The following PRKN variants were observed in gnomAD, a reference collection of about 807,000 sequenced individuals.
PRKN encodes E3 ubiquitin-protein ligase parkin.
In PRKN, 56 loss-of-function variants were observed where a neutral mutation model predicts 59.5. The observed-to-expected ratio is 0.94, with a 90% CI of 0.76 to 1.18. The LOEUF is 1.18. PRKN is among the 50% of genes most tolerant of loss of function. The pLI, the probability that PRKN is intolerant of heterozygous loss-of-function variation, is 0.00. For missense variants in PRKN, 657 were observed against 596.4 expected, an observed-to-expected ratio of 1.10 and a Z score of -1.06; for synonymous variants, 250 against 222.1, an observed-to-expected ratio of 1.13 and a Z score of -1.12.
chr6:162,684,023 A>G (rs1779873759), intron 1 of PRKN, among the ~76,000 whole-genome samples: 1 of 152,130 alleles, frequency 6.6e-6, no homozygotes, highest in African/African-American at 2.4e-5. Flanking sequence ...GGGCTTATCT[A>G]CTAGAGTATT....
At chr6:161,740,815 A>G (rs1017453295) in intron 7 of PRKN, among the ~76,000 whole-genome samples, 3 of 152,220 alleles carry the variant, frequency 2.0e-5, no homozygotes, top group Non-Finnish European at 2.9e-5. Context: ...AAAACAGTGA[A>G]GAAGAAAGTC....
intron 7 of PRKN, among the ~76,000 whole-genome samples, chr6:161,732,760 T>C (rs1472854596): frequency 6.6e-6 from 1 of 152,186 alleles, no homozygotes; most frequent in Non-Finnish European, 1.5e-5. Flanking sequence ...ATTAAAGATG[T>C]CAGAGTTTTA....
intron 9 of PRKN, among the ~76,000 whole-genome samples, chr6:161,516,915 T>G (rs1025513704): frequency 1.3e-5 from 2 of 152,042 alleles, no homozygotes; most frequent in Non-Finnish European, 2.9e-5. Context: ...ATGCATTTAT[T>G]GAATTGATGC....
At chr6:161,963,534 G>C (rs1377770825) in intron 6 of PRKN, among the ~76,000 whole-genome samples, 1 of 152,198 alleles carries the variant, frequency 6.6e-6, no homozygotes, top group East Asian at 1.9e-4. Context: ...GTAAGTAACT[G>C]ACCCCAGATA....
At chr6:162,448,569 C>T (rs895673214) in intron 1 of PRKN, among the ~76,000 whole-genome samples, 3 of 152,060 alleles carry the variant, frequency 2.0e-5, no homozygotes, top group African/African-American at 7.2e-5. Flanking sequence ...CTCTTGGCAC[C>T]CGCCAGAGAA....
At chr6:162,145,720 T>C (rs1459133590) in intron 4 of PRKN, among the ~76,000 whole-genome samples, 2 of 152,102 alleles carry the variant, frequency 1.3e-5, no homozygotes, top group Non-Finnish European at 2.9e-5. Flanking sequence ...ACATCTCATG[T>C]AAATACAGTG....
chr6:162,338,810 C>T (rs943793896), intron 2 of PRKN, among the ~76,000 whole-genome samples: 6 of 150,828 alleles, frequency 4.0e-5, no homozygotes, highest in South Asian at 4.2e-4. Flanking sequence ...AAGTGAGGAG[C>T]GCCTCTTCCC....
chr6:161,834,354 C>T (rs1407305558), intron 6 of PRKN, among the ~76,000 whole-genome samples: 1 of 152,130 alleles, frequency 6.6e-6, no homozygotes, highest in Admixed American at 6.5e-5. Flanking sequence ...TTAAACGGGT[C>T]AGGCTTCTAA....
intron 6 of PRKN, among the ~76,000 whole-genome samples, chr6:161,841,387 T>C (rs1025604475): frequency 3.3e-5 from 5 of 151,812 alleles, no homozygotes; most frequent in Non-Finnish European, 7.4e-5. Context: ...TCTCACTCTG[T>C]TGCCCAGGCT....
chr6:162,625,231 T>A (rs1337666380), intron 1 of PRKN, among the ~76,000 whole-genome samples: 1 of 152,176 alleles, frequency 6.6e-6, no homozygotes, highest in African/African-American at 2.4e-5. Context: ...GAGGAATAAA[T>A]CAGTGTTGTT....
intron 7 of PRKN, among the ~76,000 whole-genome samples, chr6:161,706,020 T>C (rs1786476353): frequency 6.6e-6 from 1 of 151,974 alleles, no homozygotes; most frequent in Non-Finnish European, 1.5e-5. Context: ...TTGCTTCCAG[T>C]AGCCCCACTC....
chr6:161,752,653 A>G (rs1053890133), intron 7 of PRKN, among the ~76,000 whole-genome samples: 2 of 152,202 alleles, frequency 1.3e-5, no homozygotes, highest in Non-Finnish European at 2.9e-5. Context: ...TGATCATGCC[A>G]CTATATTCCA....
intron 1 of PRKN, among the ~76,000 whole-genome samples, chr6:162,646,105 C>G (rs1341601242): frequency 1.3e-5 from 2 of 151,910 alleles, no homozygotes; most frequent in African/African-American, 4.8e-5. Context: ...ATCTCCTGAC[C>G]TCGTAAACCG....
In PRKN at chr6:161,373,268, G is replaced by A. The variant is rs545787594; in HGVS notation, c.1168-13063C>T. Among the ~76,000 whole-genome samples, 6 of 152,188 alleles carry A rather than the reference G, an allele frequency of 3.9e-5. No homozygotes were observed. The South Asian group carries it at 1.0e-3, about 26-fold the overall frequency. ...ACGTCTACAAAAATACCTTCACAGC[G>A]ACACCTTGACTACTGCTGGTTCCAA... On this transcript the variant is annotated intron_variant, in intron 10 of 11. Transcript: ENST00000366898. This position sits in a 1 kb window ranked among gnomAD's most constrained non-coding sequence, Gnocchi z 4.8.
In PRKN at chr6:161,521,781, A is replaced by T. The variant is rs137885867; in HGVS notation, c.1083+27073T>A. Among the ~76,000 whole-genome samples, 1,068 of 152,206 alleles carry T rather than the reference A, an allele frequency of 7.0e-3. 18 individuals are homozygous for T. The highest frequency in any genetic ancestry group is 0.025 in the African/African-American group (1,021 of 41,522). On this transcript the variant is annotated intron_variant, in intron 9 of 11. Transcript: ENST00000366898. ...CTCAGTTTGATTACTGGGGCCATAA[A>T]CAGCTTTCCCGTGAGAGCTGAGGTG...
At chr6:162,583,853 C>T (rs751762138) in intron 1 of PRKN, among the ~76,000 whole-genome samples, 8 of 152,212 alleles carry the variant, frequency 5.3e-5, no homozygotes, top group Non-Finnish European at 1.2e-4. Context: ...CCACTATCCT[C>T]TGAAACCTTT....
intron 2 of PRKN, among the ~76,000 whole-genome samples, chr6:162,394,078 T>A (rs1787354795): frequency 1.3e-5 from 2 of 152,220 alleles, no homozygotes; most frequent in South Asian, 4.1e-4. Flanking sequence ...TAACTTATAA[T>A]CTAGCTTGTA....
At chr6:161,787,721 C>T (rs574537762) in intron 6 of PRKN, among the ~76,000 whole-genome samples, 6 of 152,008 alleles carry the variant, frequency 3.9e-5, no homozygotes, top group African/African-American at 1.2e-4. Flanking sequence ...CTGAGGCAGG[C>T]GGATCACGAG....
In PRKN at chr6:161,697,250, T is replaced by C. The variant is rs1294768960; in HGVS notation, c.871+88522A>G. Among the ~76,000 whole-genome samples, 3 of 152,340 alleles carry C rather than the reference T, an allele frequency of 2.0e-5. No individual in the cohort carries two copies. The East Asian group carries it at 5.8e-4, about 29-fold the overall frequency. ...AAACTCATCCTCTGGTAATGTGGAA[T>C]TTGAAGAGCTGATATTTGTAATCTC... On this transcript the variant is annotated intron_variant, in intron 7 of 11. Transcript: ENST00000366898.
Sources: gnomAD v4.1 joint callset for allele counts (sites outside exome capture counted in the v4.1 genomes callset) on GRCh38, gnomAD v4.1.1 for gene constraint, Gnocchi (gnomAD v3.1) non-coding constraint, MANE v1.5 for transcripts, NCBI Gene and HGNC (gene_info 2026-07-23, HGNC 2026-07-21) for gene names.